Variants in TCFL5 observed in about 807,000 individuals in gnomAD.
The protein encoded by TCFL5 is transcription factor like 5.
A neutral mutation model predicts 44.3 loss-of-function variants in TCFL5; 9 were observed. The ratio of observed to expected loss-of-function variants is 0.20; its 90% CI spans 0.12 to 0.35. TCFL5 has a LOEUF of 0.35. TCFL5 is among the 10% of genes least tolerant of loss of function. The probability of loss-of-function intolerance (pLI) is 1.00; values close to 1 mark genes in which losing one functional copy is unlikely to be tolerated. For synonymous variants in TCFL5, 319 were observed against 271.6 expected (o/e 1.17, Z -1.72); for missense variants, 603 against 613.4 (o/e 0.98, Z 0.18).
intron 5 of TCFL5, chr20:62,853,006 G>C: frequency 8.0e-7 from 1 of 1,244,672 alleles, no homozygotes; most frequent in Non-Finnish European, 1.0e-6. Context: ...CACCCAGTCC[G>C]CAGAAGTATA....
intron 5 of TCFL5, among the ~76,000 whole-genome samples, chr20:62,850,212 G>A (rs532364342): frequency 2.0e-5 from 3 of 152,126 alleles, no homozygotes; most frequent in East Asian, 1.9e-4. Context: ...AAGTAAATAC[G>A]GTAAATGTTC....
chr20:62,852,678 C>T (rs928224234), intron 5 of TCFL5: 18 of 985,126 alleles, frequency 1.8e-5, no homozygotes, highest in East Asian at 1.1e-4. Context: ...TATATTCACC[C>T]GGTCCACAGA....
intron 2 of TCFL5, among the ~76,000 whole-genome samples, 197 bp from the exon 3 acceptor site, chr20:62,859,723 T>G (rs1238424494): frequency 3.4e-5 from 4 of 118,782 alleles, no homozygotes; most frequent in African/African-American, 1.5e-4. Flanking sequence ...GTTTTTGTTT[T>G]TTTGTTTTTT....
intron 5 of TCFL5, chr20:62,846,164 A>G (rs1600828504): frequency 1.7e-6 from 2 of 1,163,698 alleles, no homozygotes; most frequent in Non-Finnish European, 2.3e-6. Flanking sequence ...TTAAAAGACG[A>G]TAATTTAAAA....
chr20:62,846,562 C>T (rs868531630), intron 5 of TCFL5, among the ~76,000 whole-genome samples: 2 of 152,016 alleles, frequency 1.3e-5, no homozygotes, highest in Admixed American at 1.3e-4. Flanking sequence ...GAGATGACAA[C>T]GTCCCAAAGC....
intron 2 of TCFL5, 102 bp downstream of exon 2, chr20:62,860,023 G>A (rs2063966931): frequency 8.4e-7 from 1 of 1,191,708 alleles, no homozygotes; most frequent in Non-Finnish European, 1.2e-6. Flanking sequence ...AGGTTATTAA[G>A]CTCACTGAAG....
intron 3 of TCFL5, among the ~76,000 whole-genome samples, chr20:62,858,098 T>A: frequency 6.6e-6 from 1 of 152,178 alleles, no homozygotes; most frequent in East Asian, 1.9e-4. Context: ...ATTATTCTAA[T>A]ATGACAGTAT....
At chr20:62,851,570 T>A in intron 5 of TCFL5, 1 of 985,396 alleles carries the variant, frequency 1.0e-6, no homozygotes, top group African/African-American at 1.7e-5. Flanking sequence ...AGTAACTGCA[T>A]TGTAAATAAC....
chr20:62,861,793 G>A lies in TCFL5; in HGVS notation c.-123C>T, dbSNP rs2064020477. 6.8e-6 allele frequency: 1 copy of A among 146,852 alleles called. No individual in the cohort carries two copies. The highest frequency in any genetic ancestry group is 2.4e-5 in the African/African-American group (1 of 40,818). The allele number at this position is 146,852 out of a possible 1,614,324, so 9.1% of individuals were successfully genotyped here. Reference sequence around the variant, plus strand: ...CTACTCTGCGCCGGCCACAGCCGGCGCGCCGTTGGGGGAGGGAAAACCGCT... The same window carrying A: ...CTACTCTGCGCCGGCCACAGCCGGCACGCCGTTGGGGGAGGGAAAACCGCT... On this transcript the variant is annotated 5_prime_UTR_variant, in exon 1 of 6. Coordinates refer to ENST00000335351, the MANE Select transcript of TCFL5 (RefSeq NM_006602.4). The surrounding 1 kb of genome is among the most constrained non-coding windows in gnomAD (Gnocchi z 4.0).
chr20:62,848,191 C>T (rs770724277), intron 5 of TCFL5, among the ~76,000 whole-genome samples: 6 of 152,182 alleles, frequency 3.9e-5, no homozygotes, highest in South Asian at 2.1e-4. Flanking sequence ...CAGGGAGATG[C>T]GAAGCGGGAC....
chr20:62,845,958 A>C, intron 5 of TCFL5: 1 of 1,457,308 alleles, frequency 6.9e-7, no homozygotes, highest in Non-Finnish European at 9.2e-7. Flanking sequence ...AAATGAGCCC[A>C]GATAGAAACT....
At chr20:62,851,795 C>T (rs2063813615) in intron 5 of TCFL5, 2 of 985,368 alleles carry the variant, frequency 2.0e-6, no homozygotes, top group Middle Eastern at 5.2e-4. Flanking sequence ...CTCTCTAGCC[C>T]CACCATGACG....
intron 4 of TCFL5, 97 bp downstream of exon 4, chr20:62,857,298 G>C: frequency 6.6e-7 from 1 of 1,507,044 alleles, no homozygotes; most frequent in Non-Finnish European, 9.0e-7. Context: ...TATTCCCTCT[G>C]AACGCAGAAA....
intron 4 of TCFL5, among the ~76,000 whole-genome samples, chr20:62,854,660 C>T (rs2063860501): frequency 2.0e-5 from 3 of 152,142 alleles, no homozygotes; most frequent in African/African-American, 4.8e-5. Flanking sequence ...GGATCACGGC[C>T]CAACACTCTG....
In TCFL5 at chr20:62,841,805, GATAA is replaced by G. The variant is rs1433095099; in HGVS notation, c.*166_*169del. 5.4e-6 allele frequency: 4 copies of G among 745,466 alleles called. No individual in the cohort carries two copies. Among genetic ancestry groups the G allele is most frequent in the Non-Finnish European group, 8.0e-6 (4 of 501,644 alleles). 46.2% of individuals were successfully genotyped at this position (745,466 alleles called of 1,614,324 possible). A position where few individuals can be genotyped will look rare whatever the true frequency, so the allele number is the denominator to read the frequency against. On this transcript the variant is annotated 3_prime_UTR_variant, in exon 6 of 6. Coordinates refer to ENST00000335351, the MANE Select transcript of TCFL5 (RefSeq NM_006602.4). ...ATTCATGGATAAGCATTTGCGTCTA[GATAA>G]ATATTTTTACAAAATGTGCTCTCAA...
At chr20:62,852,630 C>G in intron 5 of TCFL5, 1 of 985,420 alleles carries the variant, frequency 1.0e-6, no homozygotes, top group Non-Finnish European at 1.2e-6. Context: ...TCCCTAGTCA[C>G]CCAGTCCACA....
chr20:62,843,987 T>G (rs1447865860), intron 5 of TCFL5, among the ~76,000 whole-genome samples: 4 of 152,238 alleles, frequency 2.6e-5, no homozygotes, highest in African/African-American at 9.6e-5. Context: ...TACTCATTCC[T>G]CTGCTGGAGC....
intron 5 of TCFL5, among the ~76,000 whole-genome samples, chr20:62,846,858 A>G (rs994312387): frequency 6.6e-6 from 1 of 151,874 alleles, no homozygotes; most frequent in African/African-American, 2.4e-5. Context: ...AGCTCTAACT[A>G]TGAGTCAGGA....
intron 5 of TCFL5, among the ~76,000 whole-genome samples, chr20:62,853,394 T>A (rs2063842731): frequency 6.6e-6 from 1 of 152,198 alleles, no homozygotes; most frequent in South Asian, 2.1e-4. Context: ...TTGCCCAGGC[T>A]GGAGTGCAGT....
Sources: allele counts gnomAD v4.1 joint callset (sites outside exome capture counted in the v4.1 genomes callset), GRCh38; gene constraint gnomAD v4.1.1; non-coding constraint Gnocchi (gnomAD v3.1); transcripts MANE v1.5; gene names NCBI Gene and HGNC (gene_info 2026-07-23, HGNC 2026-07-21).